Variants in KDELR2 observed in about 807,000 individuals in gnomAD.
KDELR2 encodes KDEL endoplasmic reticulum protein retention receptor 2, also known as ER lumen protein-retaining receptor 2.
In KDELR2, 15 loss-of-function variants were observed where a neutral mutation model predicts 23.9. That is an observed-to-expected ratio of 0.63 (90% CI 0.42 to 0.97). KDELR2 has a LOEUF of 0.97. KDELR2 is among the 50% of genes least tolerant of loss of function. The pLI, the probability that KDELR2 is intolerant of heterozygous loss-of-function variation, is 0.00. For synonymous variants in KDELR2, 119 were observed against 106.2 expected (o/e 1.12, Z -0.74); for missense variants, 272 against 254.6 (o/e 1.07, Z -0.46).
At chr7:6,479,554 G>A (rs1182968880) in intron 1 of KDELR2, among the ~76,000 whole-genome samples, 3 of 152,102 alleles carry the variant, frequency 2.0e-5, no homozygotes, top group Non-Finnish European at 4.4e-5. Flanking sequence ...TCGGCTCGCT[G>A]CAAGCTCCAC....
chr7:6,472,392 G>A (rs900505867), intron 2 of KDELR2, among the ~76,000 whole-genome samples: 1 of 152,082 alleles, frequency 6.6e-6, no homozygotes, highest in East Asian at 1.9e-4. Flanking sequence ...CGAGCACCTC[G>A]GGTCTCACGC....
chr7:6,483,321 C>T (rs1785947652), intron 1 of KDELR2, among the ~76,000 whole-genome samples: 1 of 151,888 alleles, frequency 6.6e-6, no homozygotes. Context: ...CACTGACGAC[C>T]TCTCGGCAAG....
At chr7:6,482,615 A>T in intron 1 of KDELR2, 1 of 467,962 alleles carries the variant, frequency 2.1e-6, no homozygotes, top group Non-Finnish European at 4.4e-6. Context: ...TCAGAGATGT[A>T]AGTGTGACTT....
At chr7:6,468,254 C>CA (rs1041752546) in intron 3 of KDELR2, among the ~76,000 whole-genome samples, 1 of 152,112 alleles carries the variant, frequency 6.6e-6, no homozygotes, top group African/African-American at 2.4e-5. Context: ...AAAATAAAAA[C>CA]AAAAAACTCC....
At chr7:6,478,846 T>C (rs1785815827) in intron 1 of KDELR2, among the ~76,000 whole-genome samples, 1 of 152,114 alleles carries the variant, frequency 6.6e-6, no homozygotes, top group African/African-American at 2.4e-5. Flanking sequence ...TGGAGTGCAG[T>C]GGTGCGATCT....
At position 6,472,976 on chromosome 7, in the gene KDELR2, C is replaced by T. The variant is rs569001001; in HGVS notation, c.192+1208G>A. ...AGGCTGGAGGGCAGTGGTGCAATTA[C>T]GGCTCACTGCAGCTTCAACCTCCAG... On this transcript the variant is annotated intron_variant, in intron 2 of 4. Coordinates refer to ENST00000258739, the MANE Select transcript of KDELR2 (RefSeq NM_006854.4). 2.7e-5 allele frequency among the ~76,000 whole-genome samples: 4 copies of T among 147,038 alleles called. No individual in the cohort carries two copies. In the East Asian group the frequency reaches 6.1e-4, roughly 22 times the overall value.
chr7:6,464,058 G>A (rs371833216), intron 4 of KDELR2, among the ~76,000 whole-genome samples: 4 of 151,134 alleles, frequency 2.6e-5, no homozygotes, highest in Non-Finnish European at 5.9e-5. Context: ...TTAGCTGGGC[G>A]TGGTGGTGCA....
Position 6,462,151 on chromosome 7 carries a change from A to G in KDELR2, c.*990T>C, listed in dbSNP as rs757393848. 10 of 151,532 alleles carry G rather than the reference A, an allele frequency of 6.6e-5. No individual in the cohort carries two copies. The highest frequency in any genetic ancestry group is 1.5e-4 in the Non-Finnish European group (10 of 67,976). 9.4% of individuals were successfully genotyped at this position (151,532 alleles called of 1,614,324 possible). The stretch of plus-strand genomic sequence containing the variant: ...ATAAAAAGAAAACCACACATACAAA[A>G]AAGAATGTAAGGAATGGTTAGTGGT... On this transcript the variant is annotated 3_prime_UTR_variant, in exon 5 of 5. Transcript: ENST00000258739.
chr7:6,476,425 G>A (rs1785754038), intron 1 of KDELR2, among the ~76,000 whole-genome samples: 2 of 152,212 alleles, frequency 1.3e-5, no homozygotes, highest in Admixed American at 1.3e-4. Flanking sequence ...AGAGGGGGAA[G>A]AAGAAAGAAC....
At chr7:6,477,646 G>A (rs370972195) in intron 1 of KDELR2, among the ~76,000 whole-genome samples, 1 of 152,224 alleles carries the variant, frequency 6.6e-6, no homozygotes, top group African/African-American at 2.4e-5. Flanking sequence ...TACTGGGCCA[G>A]GTTAAATGTC....
intron 4 of KDELR2, among the ~76,000 whole-genome samples, chr7:6,465,770 T>C (rs546348268): frequency 9.8e-4 from 149 of 152,270 alleles, no homozygotes; most frequent in African/African-American, 3.3e-3. Flanking sequence ...AGAACAGCAA[T>C]GTACAGTTTA....
At chr7:6,472,693 GA>G (rs944816754) in intron 2 of KDELR2, among the ~76,000 whole-genome samples, 1 of 152,158 alleles carries the variant, frequency 6.6e-6, no homozygotes, top group African/African-American at 2.4e-5. Flanking sequence ...CAGTGCTTAT[GA>G]AAATGCTCTT....
intron 1 of KDELR2, among the ~76,000 whole-genome samples, chr7:6,474,765 G>A (rs990496523): frequency 6.6e-6 from 1 of 152,192 alleles, no homozygotes; most frequent in African/African-American, 2.4e-5. Flanking sequence ...CTGGGCTTCA[G>A]CAATCTTCCC....
chr7:6,472,572 A>T (rs990249284), intron 2 of KDELR2, among the ~76,000 whole-genome samples: 2 of 152,118 alleles, frequency 1.3e-5, no homozygotes, highest in African/African-American at 4.8e-5. Context: ...TAAGCTCATT[A>T]TTTCCTGAAT....
chr7:6,484,035 C>G lies in KDELR2; in HGVS notation c.23G>C (p.Gly8Ala). Residue 8 changes from glycine (G) to alanine (A), a missense_variant, in exon 1 of 5, where the codon GGG becomes GCG. Transcript: ENST00000258739. ...GATGGCCGCCAGGTGGGACAGGTCC[C>G]CAGTCAGCCGGAAAATGTTCATGGC... MNIFRLT[G>A]DLSHLAAIVI... The G allele has an allele frequency of 6.6e-7, 1 of 1,523,220 alleles. No homozygotes were observed. The highest frequency in any genetic ancestry group is 8.8e-7 in the Non-Finnish European group (1 of 1,132,868). The allele number at this position is 1,523,220 out of a possible 1,614,324, so 94.4% of individuals were successfully genotyped here. A position where few individuals can be genotyped will look rare whatever the true frequency, so the allele number is the denominator to read the frequency against.
intron 1 of KDELR2, among the ~76,000 whole-genome samples, chr7:6,483,328 C>T (rs1785948031): frequency 6.6e-6 from 1 of 150,884 alleles, no homozygotes; most frequent in African/African-American, 2.4e-5. Context: ...GACCTCTCGG[C>T]AAGCCCCTCC....
In KDELR2 at chr7:6,461,642, T is replaced by C. The variant is rs1583313175; in HGVS notation, c.*1499A>G. On this transcript the variant is annotated 3_prime_UTR_variant, in exon 5 of 5. Coordinates refer to ENST00000258739, the MANE Select transcript of KDELR2 (RefSeq NM_006854.4). ...TTAAACTATGCAGTTACACTGCCGA[T>C]TTAGAAAGATGTTAAGACACACACT... 1 of 150,988 alleles carries C rather than the reference T, an allele frequency of 6.6e-6. No homozygotes were observed. Among genetic ancestry groups the C allele is most frequent in the Non-Finnish European group, 1.5e-5 (1 of 67,844 alleles). 9.4% of individuals were successfully genotyped at this position (150,988 alleles called of 1,614,324 possible). A position where few individuals can be genotyped will look rare whatever the true frequency, so the allele number is the denominator to read the frequency against.
chr7:6,468,531 C>A (rs141153640), intron 3 of KDELR2, among the ~76,000 whole-genome samples: 15 of 150,752 alleles, frequency 1.0e-4, no homozygotes, highest in African/African-American at 3.2e-4. Context: ...TTTGAGACAG[C>A]GTCTCGCTCT....
chr7:6,466,100 C>T lies in KDELR2; in HGVS notation c.575G>A (p.Cys192Tyr). The change falls in exon 4 of 5, where the codon TGT (cysteine) becomes TAT (tyrosine). Residue 192 changes from cysteine (C) to tyrosine (Y), a missense_variant. Transcript: ENST00000258739. ...VAGVVQTILY[C>Y]DFFYLYITKV... ...TGTAATGTACAAGTAGAAGAAGTCA[C>T]AGTATAGGATGGTCTGGACTACGCC... The T allele has an allele frequency of 6.2e-7, 1 of 1,614,050 alleles. No individual in the cohort carries two copies. The highest frequency in any genetic ancestry group is 8.5e-7 in the Non-Finnish European group (1 of 1,180,014).
Sources: allele counts gnomAD v4.1 joint callset (sites outside exome capture counted in the v4.1 genomes callset), GRCh38; gene constraint gnomAD v4.1.1; transcripts MANE v1.5; gene names NCBI Gene and HGNC (gene_info 2026-07-23, HGNC 2026-07-21).